The following FNBP4 variants were observed in gnomAD, a reference collection of about 807,000 sequenced individuals.
FNBP4 encodes formin-binding protein 4.
In FNBP4, 34 loss-of-function variants were observed where a neutral mutation model predicts 119.3. The observed-to-expected ratio is 0.28, with a 90% confidence interval of 0.22 to 0.38. FNBP4 has a LOEUF of 0.38. FNBP4 is among the 10% of genes least tolerant of loss of function. FNBP4 has a pLI of 1.00. For synonymous variants in FNBP4, 462 were observed against 430.6 expected (o/e 1.07, Z -0.90); for missense variants, 1,112 against 1,228.9 (o/e 0.90, Z 1.42).
intron 1 of FNBP4, among the ~76,000 whole-genome samples, chr11:47,766,713 C>G (rs1256284374): frequency 6.6e-6 from 1 of 152,290 alleles, no homozygotes; most frequent in Non-Finnish European, 1.5e-5. Context: ...GCCTGGCCCA[C>G]AGTCACAGGC....
intron 3 of FNBP4, among the ~76,000 whole-genome samples, chr11:47,754,162 G>A (rs1282152474): frequency 2.0e-5 from 3 of 150,716 alleles, no homozygotes; most frequent in South Asian, 4.2e-4. Flanking sequence ...AGGCGAGATC[G>A]TACCGCTGCA....
chr11:47,750,475 G>T (rs1362414792), intron 6 of FNBP4, among the ~76,000 whole-genome samples: 1 of 148,454 alleles, frequency 6.7e-6, no homozygotes, highest in Non-Finnish European at 1.5e-5. Flanking sequence ...GGATCATGAG[G>T]TCAGGAGATC....
chr11:47,761,697 C>G (rs1411222048), intron 2 of FNBP4, among the ~76,000 whole-genome samples: 4 of 152,026 alleles, frequency 2.6e-5, no homozygotes, highest in Non-Finnish European at 1.5e-5. Context: ...GAAGGAGGAT[C>G]ACTTGAGCCT....
intron 2 of FNBP4, among the ~76,000 whole-genome samples, chr11:47,760,936 A>C (rs1396475267): frequency 6.6e-6 from 1 of 152,194 alleles, no homozygotes; most frequent in Non-Finnish European, 1.5e-5. Context: ...ATATAGTTTC[A>C]TCTTTGAGAC....
Position 47,724,471 on chromosome 11 carries a change from G to C in FNBP4, c.2316C>G (p.Ser772Arg), listed in dbSNP as rs369647144. The C allele has an allele frequency of 1.5e-5, 25 of 1,614,086 alleles. No individual in the cohort carries two copies. In the African/African-American group the frequency reaches 3.3e-4, roughly 22 times the overall value. Residue 772 changes from serine (S) to arginine (R), a missense_variant, in exon 13 of 17, where the codon AGC becomes AGG. Ser to Arg is a moderately radical substitution (Grantham distance 110). Around this residue, in one of 2 missense-constraint regions of FNBP4, gnomAD observed 826 missense variants for 988.8 expected, o/e 0.84. Coordinates refer to ENST00000263773, the MANE Select transcript of FNBP4 (RefSeq NM_015308.5). The part of the protein sequence containing the change: ...KPSAQTTVVT[S>R]QSSVDSTISS... ...AATGCCAAAGGGAATTACTTACCTG[G>C]CTAGTTACAACTGTGGTTTGTGCTG...
At chr11:47,731,731 G>C in intron 11 of FNBP4, 170 bp from the exon 12 acceptor site, 1 of 1,373,356 alleles carries the variant, frequency 7.3e-7, no homozygotes, top group Non-Finnish European at 9.3e-7. Context: ...GGAGAACCAA[G>C]GATAATTCAA....
At chr11:47,717,677 ACTT>A (rs935316764) in intron 16 of FNBP4, among the ~76,000 whole-genome samples, 165 bp from the exon 17 acceptor site, 3 of 152,224 alleles carry the variant, frequency 2.0e-5, no homozygotes, top group Non-Finnish European at 4.4e-5. Context: ...TCTTCATCAA[ACTT>A]CTTCATTCTG....
intron 7 of FNBP4, 117 bp from the exon 8 acceptor site, chr11:47,744,280 T>G: frequency 2.4e-6 from 2 of 817,188 alleles, no homozygotes. Flanking sequence ...AGAAAGCACT[T>G]TTTTTTTTTT....
chr11:47,725,296 T>C (rs1171982888), intron 12 of FNBP4: 6 of 152,306 alleles, frequency 3.9e-5, no homozygotes, highest in African/African-American at 1.4e-4. Flanking sequence ...CTTTATTTTT[T>C]AGTGAGCTAG....
At chr11:47,752,114 T>G (rs1027018639) in intron 4 of FNBP4, among the ~76,000 whole-genome samples, 1 of 152,064 alleles carries the variant, frequency 6.6e-6, no homozygotes, top group Non-Finnish European at 1.5e-5. Context: ...ACCTACCATC[T>G]TCAACATGCT....
chr11:47,736,020 G>C (rs2097573492), intron 9 of FNBP4, among the ~76,000 whole-genome samples: 2 of 151,884 alleles, frequency 1.3e-5, no homozygotes, highest in Admixed American at 1.3e-4. Context: ...GGAGCTTGCA[G>C]TGAGCCGAGA....
At chr11:47,722,459 T>C (rs1421695850) in intron 15 of FNBP4, among the ~76,000 whole-genome samples, 1 of 152,028 alleles carries the variant, frequency 6.6e-6, no homozygotes, top group Non-Finnish European at 1.5e-5. Flanking sequence ...AAGTAGGAGT[T>C]GACATGACTG....
At chr11:47,762,126 C>T (rs1443111979) in intron 2 of FNBP4, among the ~76,000 whole-genome samples, 1 of 145,892 alleles carries the variant, frequency 6.9e-6, no homozygotes, top group Non-Finnish European at 1.5e-5. Flanking sequence ...GCGTGAGGCA[C>T]AGCGTCTGGC....
intron 8 of FNBP4, 65 bp downstream of exon 8, chr11:47,743,888 A>C (rs1161839039): frequency 1.4e-6 from 2 of 1,451,420 alleles, no homozygotes; most frequent in South Asian, 1.2e-5. Context: ...GAAACAAAAA[A>C]AGACAAGAGT....
chr11:47,746,664 G>A (rs565132999), intron 6 of FNBP4, among the ~76,000 whole-genome samples: 14 of 151,922 alleles, frequency 9.2e-5, no homozygotes, highest in African/African-American at 3.4e-4. Context: ...ACAGGCGCCC[G>A]CCACCATGCC....
chr11:47,750,472 G>A (rs912874936), intron 6 of FNBP4, among the ~76,000 whole-genome samples: 1 of 146,796 alleles, frequency 6.8e-6, no homozygotes, highest in Non-Finnish European at 1.5e-5. Flanking sequence ...GGCGGATCAT[G>A]AGGTCAGGAG....
At position 47,748,658 on chromosome 11, in the gene FNBP4, A is replaced by T. The variant is rs947190670; in HGVS notation, c.906+2258T>A. Among the ~76,000 whole-genome samples the T allele has an allele frequency of 8.6e-5, 13 of 150,726 alleles. No homozygotes were observed. In the East Asian group the frequency reaches 2.5e-3, roughly 29 times the overall value. On this transcript the variant is annotated intron_variant, in intron 6 of 16. Transcript: ENST00000263773. ...ATTATTATTTTATTATTATTATTAA[A>T]TTTTTTTTTGAGATGGAGTCTCACT...
Position 47,734,138 on chromosome 11 carries a change from CAAAAAAGA to C in FNBP4, c.1582-17_1582-10del. On this transcript the variant is annotated splice_polypyrimidine_tract_variant and intron_variant, in intron 9 of 16. Transcript: ENST00000263773. ...AGTTCTCCAATCTGAAACTACAATG[CAAAAAAGA>C]AAAAAAGTAAAACTAGAATCCGTAA... 6.6e-7 allele frequency: 1 copy of C among 1,510,698 alleles called. No individual in the cohort carries two copies. Among genetic ancestry groups the C allele is most frequent in the Non-Finnish European group, 9.0e-7 (1 of 1,116,492 alleles). The allele number at this position is 1,510,698 out of a possible 1,614,324, so 93.6% of individuals were successfully genotyped here. A position where few individuals can be genotyped will look rare whatever the true frequency, so the allele number is the denominator to read the frequency against.
rs541985867 is a variant in FNBP4, at chr11:47,753,891, C to G, written c.450+637G>C. 2.0e-5 allele frequency among the ~76,000 whole-genome samples: 3 copies of G among 152,230 alleles called. No homozygotes were observed. In the East Asian group the frequency reaches 5.8e-4, roughly 29 times the overall value. On this transcript the variant is annotated intron_variant, in intron 3 of 16. Transcript: ENST00000263773. Reference sequence around the variant, plus strand: ...AAGCTCCCCAGTCTCTTCTAATTTGCCTTTCTTCTCTTTGAAAGCTTTACA... The same window carrying G: ...AAGCTCCCCAGTCTCTTCTAATTTGGCTTTCTTCTCTTTGAAAGCTTTACA...
Sources: allele counts gnomAD v4.1 joint callset (sites outside exome capture counted in the v4.1 genomes callset), GRCh38; gene constraint gnomAD v4.1.1; regional missense constraint gnomAD v4.1.1; transcripts MANE v1.5; gene names NCBI Gene and HGNC (gene_info 2026-07-23, HGNC 2026-07-21).